AMOTL2: variants seen among roughly 807,000 people sequenced by gnomAD.
AMOTL2 encodes the protein angiomotin-like protein 2.
AMOTL2 carries 33 observed loss-of-function variants against 78.4 expected under a neutral mutation model. The observed-to-expected ratio is 0.42, with a 90% CI of 0.32 to 0.56. The LOEUF (loss-of-function observed/expected upper bound fraction) is 0.56. Ranked by LOEUF, AMOTL2 falls within the 20% of genes least tolerant of loss-of-function variation. The pLI is 0.12. For synonymous variants in AMOTL2, 422 were observed against 428.8 expected (o/e 0.98, Z 0.20); for missense variants, 983 against 1,030.1 (o/e 0.95, Z 0.63).
chr3:134,368,971 C>T (rs1032073169), intron 2 of AMOTL2, among the ~76,000 whole-genome samples: 10 of 152,128 alleles, frequency 6.6e-5, no homozygotes, highest in Non-Finnish European at 5.9e-5. Context: ...CCCAGAAGCC[C>T]CGCAAAAACC....
chr3:134,358,818 G>T, intron 8 of AMOTL2, 99 bp from the exon 9 acceptor site: 1 of 1,399,950 alleles, frequency 7.1e-7, no homozygotes. Context: ...TCAAGGTGGA[G>T]TGGGCTGCTC....
Position 134,359,193 on chromosome 3 carries a change from C to A in AMOTL2, c.2104+90G>T. On this transcript the variant is annotated intron_variant, in intron 8 of 9. Coordinates refer to ENST00000249883, the MANE Select transcript of AMOTL2 (RefSeq NM_016201.4). Reference sequence around the variant, plus strand: ...GGTCAGGAAGCCCTGGCTCCTATAGCCTCAGTTCTGGGAGGAAAGGTCTGG... The same window carrying A: ...GGTCAGGAAGCCCTGGCTCCTATAGACTCAGTTCTGGGAGGAAAGGTCTGG... 2.1e-6 allele frequency: 3 copies of A among 1,441,486 alleles called. No homozygotes were observed. The South Asian group carries it at 3.7e-5, about 18-fold the overall frequency. 89.3% of individuals were successfully genotyped at this position (1,441,486 alleles called of 1,614,324 possible). A position where few individuals can be genotyped will look rare whatever the true frequency, so the allele number is the denominator to read the frequency against.
intron 5 of AMOTL2, 73 bp from the exon 6 acceptor site, chr3:134,361,880 C>T (rs551122264): frequency 4.9e-4 from 643 of 1,315,630 alleles, no homozygotes; most frequent in South Asian, 7.9e-4. Flanking sequence ...GGGCTCAGTG[C>T]TGACCACTGG....
chr3:134,358,675 CA>C lies in AMOTL2; in HGVS notation c.2148del (p.Ala717LeufsTer48). On this transcript the variant is annotated frameshift_variant, in exon 9 of 10. Transcript: ENST00000249883. LOFTEE classifies it high-confidence loss of function. ...PTEEPVVTAP[P>X]AAHAKHGSRD... is the part of the protein sequence containing the mutation. Reference sequence around the variant, plus strand: ...CTGCTCCCGTGTTTGGCATGGGCAGCAGGGGGAGCTGTGACCACTGGCTCCT... The same window carrying C: ...CTGCTCCCGTGTTTGGCATGGGCAGCGGGGGAGCTGTGACCACTGGCTCCT... 6.2e-7 allele frequency: 1 copy of C among 1,614,136 alleles called. No homozygotes were observed. The highest frequency in any genetic ancestry group is 8.5e-7 in the Non-Finnish European group (1 of 1,180,014).
rs543257201 is a variant in AMOTL2, at chr3:134,358,592, C to T, written c.2232G>A (p.Pro744=). 127 of 1,614,148 alleles carry T rather than the reference C, an allele frequency of 7.9e-5. 4 individuals carry two copies. In the South Asian group the frequency reaches 1.2e-3, roughly 15 times the overall value. ...PPDSTSTCLP[P]EPDSLLGCSS... is the part of the protein sequence containing the mutation. Reference sequence around the variant, plus strand: ...TGCACCCCAGAAGGCTGTCAGGCTCCGGTGGCAGGCAGGTGGAGGTGCTGT... The same window carrying T: ...TGCACCCCAGAAGGCTGTCAGGCTCTGGTGGCAGGCAGGTGGAGGTGCTGT... The change falls in exon 9 of 10, where the codon CCG becomes CCA. Residue 744 remains proline, a synonymous_variant. Transcript: ENST00000249883.
chr3:134,374,140 C>A, intron 1 of AMOTL2: 5 of 786,946 alleles, frequency 6.4e-6, no homozygotes, highest in Non-Finnish European at 7.7e-6. Flanking sequence ...CCCGCAAAGC[C>A]CAGCGCGCTG....
intron 5 of AMOTL2, among the ~76,000 whole-genome samples, chr3:134,363,040 G>T (rs2017442422): frequency 6.6e-6 from 1 of 152,244 alleles, no homozygotes; most frequent in African/African-American, 2.4e-5. Flanking sequence ...TAAGATGGGA[G>T]AACTGAATTT....
At chr3:134,374,849 A>G, upstream of AMOTL2, 1 of 1,182,766 alleles carries the variant, frequency 8.5e-7, no homozygotes, top group South Asian at 2.1e-5. Flanking sequence ...ACGGGACGAC[A>G]GCAAGGGCTG....
At chr3:134,371,623 G>A (rs992285117) in intron 1 of AMOTL2, 129 bp from the exon 2 acceptor site, 2 of 1,402,002 alleles carry the variant, frequency 1.4e-6, no homozygotes, top group South Asian at 3.0e-5. Context: ...GGGTGGGGCG[G>A]TTCACACAAG....
At chr3:134,373,859 A>C (rs1281204947) in intron 1 of AMOTL2, 1 of 980,394 alleles carries the variant, frequency 1.0e-6, no homozygotes, top group African/African-American at 1.8e-5. Context: ...ATTCTTTCTA[A>C]GTGAGGGCCA....
intron 2 of AMOTL2, among the ~76,000 whole-genome samples, chr3:134,370,144 G>A (rs761005844): frequency 7.9e-5 from 12 of 152,196 alleles, no homozygotes; most frequent in South Asian, 2.1e-4. Flanking sequence ...GGCTGCAGAC[G>A]CAGGGAGCAT....
chr3:134,359,463 C>G lies in AMOTL2; in HGVS notation c.1924G>C (p.Val642Leu), dbSNP rs1208528930. 3 of 1,614,102 alleles carry G rather than the reference C, an allele frequency of 1.9e-6. No homozygotes were observed. The highest frequency in any genetic ancestry group is 2.5e-6 in the Non-Finnish European group (3 of 1,180,004). Residue 642 changes from valine to leucine, a missense_variant, in exon 8 of 10, where the codon GTG (valine) becomes CTG (leucine). Coordinates refer to ENST00000249883, the MANE Select transcript of AMOTL2 (RefSeq NM_016201.4). ...GAGCGCTGCTGAAGGACCTTGATCA[C>G]TGCATCCTTCTCCAGGATCTGGGCA... The part of the protein sequence containing the change: ...LHAQILEKDA[V>L]IKVLQQRSRR...
At chr3:134,374,796 C>T (rs1302933842), upstream of AMOTL2, 10 of 1,034,090 alleles carry the variant, frequency 9.7e-6, no homozygotes, top group Non-Finnish European at 1.0e-5. Context: ...GCCTCCACTC[C>T]CAGTCGCCGA....
At chr3:134,365,258 ATGAAC>A (rs998053897) in intron 5 of AMOTL2, among the ~76,000 whole-genome samples, 1 of 152,234 alleles carries the variant, frequency 6.6e-6, no homozygotes, top group Non-Finnish European at 1.5e-5. Context: ...GGACTAGTCA[ATGAAC>A]TTGCCCATTC....
Position 134,370,839 on chromosome 3 carries a change from G to C in AMOTL2, c.595C>G (p.Pro199Ala). The change falls in exon 2 of 10, where the codon CCC becomes GCC. Residue 199 changes from proline to alanine, a missense_variant. Transcript: ENST00000249883. ...RNQQGPPLRGPPAEGPESRGP... is the reference protein window; with the variant it reads ...RNQQGPPLRGAPAEGPESRGP... ...CGGGACTCTGGGCCCTCAGCAGGGG[G>C]GCCCCTCAGTGGGGGGCCCTGCTGG... is the stretch of plus-strand genomic sequence containing the variant. The C allele has an allele frequency of 1.3e-6, 2 of 1,595,630 alleles. No homozygotes were observed. The highest frequency in any genetic ancestry group is 8.6e-7 in the Non-Finnish European group (1 of 1,169,292).
Position 134,356,717 on chromosome 3 carries a change from G to T in AMOTL2, c.*988C>A, listed in dbSNP as rs779017668. ...CGGGTAGGGCCACCGAAGCCCACCT[G>T]GGGGCATGGCAGATGTCTGTTCACG... On this transcript the variant is annotated 3_prime_UTR_variant, in exon 10 of 10. Coordinates refer to ENST00000249883, the MANE Select transcript of AMOTL2 (RefSeq NM_016201.4). The T allele has an allele frequency of 2.6e-5, 4 of 152,612 alleles. No homozygotes were observed. Among genetic ancestry groups the T allele is most frequent in the Non-Finnish European group, 4.4e-5 (3 of 68,052 alleles). The allele number at this position is 152,612 out of a possible 1,614,324, so 9.5% of individuals were successfully genotyped here.
rs1046320134 is a variant in AMOTL2, at chr3:134,367,581, C to T, written c.957G>A (p.Arg319=). ...AHLAQMEAVL[R]ENARLQRDNE... ...TGTCTCTCTGCAGCCTGGCATTCTC[C>T]CTCAGCACGGCCTCCATCTGGGCCA... Residue 319 remains arginine, a synonymous_variant, in exon 3 of 10, where the codon AGG becomes AGA. Coordinates refer to ENST00000249883, the MANE Select transcript of AMOTL2 (RefSeq NM_016201.4). 1 of 1,613,528 alleles carries T rather than the reference C, an allele frequency of 6.2e-7. No homozygotes were observed. The highest frequency in any genetic ancestry group is 8.5e-7 in the Non-Finnish European group (1 of 1,180,038).
chr3:134,360,177 C>CT lies in AMOTL2; in HGVS notation c.1811dup (p.Pro605AlafsTer9). ...CATTGAAGCTGCTGCTGGGTGAGGG[C>CT]TGGGGGGAATGTCGGATGAGAGTGG... On this transcript the variant is annotated frameshift_variant, in exon 7 of 10. Transcript: ENST00000249883. LOFTEE classifies it high-confidence loss of function. 6.2e-7 allele frequency: 1 copy of CT among 1,614,052 alleles called. No homozygotes were observed. The highest frequency in any genetic ancestry group is 8.5e-7 in the Non-Finnish European group (1 of 1,179,948).
At chr3:134,359,197 A>T in intron 8 of AMOTL2, 86 bp downstream of exon 8, 1 of 1,458,612 alleles carries the variant, frequency 6.9e-7, no homozygotes, top group Non-Finnish European at 9.5e-7. Context: ...CTATAGCCTC[A>T]GTTCTGGGAG....
Sources: gnomAD v4.1 joint callset for allele counts (sites outside exome capture counted in the v4.1 genomes callset) on GRCh38, gnomAD v4.1.1 for gene constraint, MANE v1.5 for transcripts, NCBI Gene and HGNC (gene_info 2026-07-23, HGNC 2026-07-21) for gene names.